Variants in MCC observed in about 807,000 individuals in gnomAD.
The protein encoded by MCC is MCC regulator of Wnt signaling pathway, also known as colorectal mutant cancer protein.
Under a neutral mutation model 116.2 loss-of-function variants are expected in MCC, and 90 were observed. The ratio of observed to expected loss-of-function variants is 0.77; its 90% confidence interval spans 0.65 to 0.92. MCC has a LOEUF of 0.92. MCC is among the 40% of genes least tolerant of loss of function. MCC has a pLI of 0.00. For synonymous variants in MCC, 578 were observed against 510.5 expected (o/e 1.13, Z -1.78); for missense variants, 1,516 against 1,312.2 (o/e 1.16, Z -2.40).
rs1770770901 is a variant in MCC at position 113,434,217 on chromosome 5, A to G, written c.171-49005T>C. The G allele has an allele frequency of 1.2e-6, 2 of 1,614,036 alleles. No individual in the cohort carries two copies. Among genetic ancestry groups the G allele is most frequent in the Non-Finnish European group, 1.7e-6 (2 of 1,179,954 alleles). On this transcript the variant is annotated intron_variant, in intron 1 of 18. Coordinates refer to ENST00000408903, the MANE Select transcript of MCC (RefSeq NM_001085377.2). The surrounding 1 kb of genome is among the most constrained non-coding windows in gnomAD (Gnocchi z 4.2). ...GTAGGGCATGGAGCCGCAGACCATG[A>G]TGTAGAGGATCACGCCTAGGCTCCA... is the stretch of plus-strand genomic sequence containing the variant.
intron 3 of MCC, among the ~76,000 whole-genome samples, chr5:113,290,933 C>T (rs1334429598): frequency 6.6e-6 from 1 of 152,204 alleles, no homozygotes; most frequent in East Asian, 1.9e-4. Flanking sequence ...GAACAAATCA[C>T]TAGTTTATCC....
intron 3 of MCC, among the ~76,000 whole-genome samples, chr5:113,333,499 C>G (rs556847882): frequency 1.3e-5 from 2 of 151,272 alleles, no homozygotes; most frequent in South Asian, 4.2e-4. Flanking sequence ...CTTTTTTTCT[C>G]CTTTAAAAAT....
intron 3 of MCC, among the ~76,000 whole-genome samples, chr5:113,337,354 C>A (rs552559531): frequency 6.6e-6 from 1 of 152,264 alleles, no homozygotes; most frequent in African/African-American, 2.4e-5. Flanking sequence ...GGAGGCTGGA[C>A]GAAGGTTCAG....
rs541685899 is a variant in MCC at position 113,303,636 on chromosome 5, G to A, written c.627+36883C>T. 4.6e-5 allele frequency among the ~76,000 whole-genome samples: 7 copies of A among 152,236 alleles called. No individual in the cohort carries two copies. In the East Asian group the frequency reaches 1.3e-3, roughly 29 times the overall value. On this transcript the variant is annotated intron_variant, in intron 3 of 18. Transcript: ENST00000408903. ...GTGTGGATTGAATGGTGTGTAGGAAGTGAAAACACTGAGAGAGCATATGGA... is the reference window on the plus strand; with the variant it reads ...GTGTGGATTGAATGGTGTGTAGGAAATGAAAACACTGAGAGAGCATATGGA...
chr5:113,382,248 A>G (rs570507603), intron 2 of MCC, among the ~76,000 whole-genome samples: 7 of 151,066 alleles, frequency 4.6e-5, no homozygotes, highest in African/African-American at 1.5e-4. Flanking sequence ...TTGAACATGT[A>G]TATCTTTATC....
chr5:113,221,396 C>G (rs1304779137), intron 3 of MCC, among the ~76,000 whole-genome samples: 1 of 152,224 alleles, frequency 6.6e-6, no homozygotes, highest in Non-Finnish European at 1.5e-5. Flanking sequence ...TTGGGAGGAA[C>G]TTAGTTTATG....
chr5:113,134,650 G>C (rs1396692848), intron 5 of MCC, among the ~76,000 whole-genome samples: 1 of 139,692 alleles, frequency 7.2e-6, no homozygotes, highest in East Asian at 2.3e-4. Context: ...TATTTTGATA[G>C]GGATTACATT....
intron 1 of MCC, among the ~76,000 whole-genome samples, chr5:113,473,123 T>G (rs1001680746): frequency 6.6e-6 from 1 of 152,236 alleles, no homozygotes; most frequent in African/African-American, 2.4e-5. Flanking sequence ...AATGTTAGTT[T>G]ACTGTGACTA....
At chr5:113,076,710 A>T (rs946157905) in intron 11 of MCC, among the ~76,000 whole-genome samples, 2 of 152,242 alleles carry the variant, frequency 1.3e-5, no homozygotes, top group East Asian at 3.8e-4. Flanking sequence ...AAAACATGCC[A>T]AATTGTAAAG....
intron 3 of MCC, among the ~76,000 whole-genome samples, chr5:113,281,850 G>C (rs1649380306): frequency 6.6e-6 from 1 of 152,146 alleles, no homozygotes. Flanking sequence ...CACAAATATA[G>C]CTACTAATGC....
chr5:113,360,287 C>T (rs1768515354), intron 2 of MCC, among the ~76,000 whole-genome samples: 1 of 152,122 alleles, frequency 6.6e-6, no homozygotes, highest in Non-Finnish European at 1.5e-5. Flanking sequence ...CTTAAGTTTT[C>T]TTAATGTGGT....
At position 113,079,678 on chromosome 5, in the gene MCC, A is replaced by C. The variant is rs550884605; in HGVS notation, c.1784+3182T>G. ...TAATTCAAGATGGATTAAAGATTTA[A>C]ATGTTAGACCTAAAACCGTAAAACC... On this transcript the variant is annotated intron_variant, in intron 11 of 18. Coordinates refer to ENST00000408903, the MANE Select transcript of MCC (RefSeq NM_001085377.2). 3.8e-4 allele frequency among the ~76,000 whole-genome samples: 58 copies of C among 152,382 alleles called. 3 individuals carry two copies. The highest frequency in any genetic ancestry group is 1.3e-3 in the African/African-American group (55 of 41,598).
chr5:113,329,387 C>T lies in MCC; in HGVS notation c.627+11132G>A, dbSNP rs866979279. On this transcript the variant is annotated intron_variant, in intron 3 of 18. Coordinates refer to ENST00000408903, the MANE Select transcript of MCC (RefSeq NM_001085377.2). ...ATGGTGAATAAACTATATATATACA[C>T]ACACACACACACACAGAAACATATA... Among the ~76,000 whole-genome samples, 795 of 150,462 alleles carry T rather than the reference C, an allele frequency of 5.3e-3. 4 individuals are homozygous for T. Among genetic ancestry groups the T allele is most frequent in the Middle Eastern group, 0.01 (3 of 288 alleles).
At chr5:113,109,480 C>T (rs1756948934) in intron 6 of MCC, among the ~76,000 whole-genome samples, 1 of 151,878 alleles carries the variant, frequency 6.6e-6, no homozygotes, top group Non-Finnish European at 1.5e-5. Context: ...ATAAAGTTTA[C>T]CGGGGTGGGG....
At chr5:113,064,805 G>A (rs879524497) in intron 13 of MCC, among the ~76,000 whole-genome samples, 4 of 152,162 alleles carry the variant, frequency 2.6e-5, no homozygotes, top group South Asian at 2.1e-4. Context: ...GTGGGCACTC[G>A]CACAGACCAG....
At chr5:113,177,225 C>G (rs1019900608) in intron 3 of MCC, among the ~76,000 whole-genome samples, 10 of 152,156 alleles carry the variant, frequency 6.6e-5, no homozygotes, top group African/African-American at 2.2e-4. Context: ...TTTCTTTGGT[C>G]TCCTCTAGTA....
chr5:113,218,178 G>A (rs1349669187), intron 3 of MCC, among the ~76,000 whole-genome samples: 2 of 151,902 alleles, frequency 1.3e-5, no homozygotes, highest in South Asian at 2.1e-4. Context: ...TCTTACTCAC[G>A]AGCACTGGCG....
At chr5:113,158,701 G>T (rs1760312046) in intron 3 of MCC, among the ~76,000 whole-genome samples, 1 of 152,212 alleles carries the variant, frequency 6.6e-6, no homozygotes, top group South Asian at 2.1e-4. Context: ...CAGAAGAGGG[G>T]TAGAAAATCA....
chr5:113,116,660 G>A (rs1757414261), intron 6 of MCC, among the ~76,000 whole-genome samples: 1 of 152,096 alleles, frequency 6.6e-6, no homozygotes, highest in African/African-American at 2.4e-5. Flanking sequence ...CAGAATTTGG[G>A]GAAAATATTC....
Sources: allele counts gnomAD v4.1 joint callset (sites outside exome capture counted in the v4.1 genomes callset), GRCh38; gene constraint gnomAD v4.1.1; non-coding constraint Gnocchi (gnomAD v3.1); transcripts MANE v1.5; gene names NCBI Gene and HGNC (gene_info 2026-07-23, HGNC 2026-07-21).